The following FHIT variants were observed in gnomAD, a reference collection of about 807,000 sequenced individuals.
The protein encoded by FHIT is fragile histidine triad diadenosine triphosphatase.
A neutral mutation model predicts 17.9 loss-of-function variants in FHIT; 19 were observed. That is an observed-to-expected ratio of 1.06 (90% confidence interval 0.74 to 1.56). The LOEUF is 1.56. FHIT is among the 40% of genes most tolerant of loss of function. FHIT has a pLI of 0.00. For missense variants in FHIT, 248 were observed against 189.2 expected, an observed-to-expected ratio of 1.31 and a Z score of -1.82; for synonymous variants, 81 against 69.7, an observed-to-expected ratio of 1.16 and a Z score of -0.81.
chr3:60,287,684 A>G (rs1174483448), intron 5 of FHIT, among the ~76,000 whole-genome samples: 1 of 152,180 alleles, frequency 6.6e-6, no homozygotes, highest in Non-Finnish European at 1.5e-5. Flanking sequence ...ATCAAGTATT[A>G]TGTGCATATA....
chr3:60,503,719 G>C (rs576454598), intron 5 of FHIT, among the ~76,000 whole-genome samples: 3 of 152,050 alleles, frequency 2.0e-5, no homozygotes, highest in Non-Finnish European at 4.4e-5. Context: ...AAAAACTTAC[G>C]GTATTAGGAT....
Position 60,976,096 on chromosome 3 carries a change from C to CTTTTTTTTTTTTT in FHIT, c.-111+65938_-111+65950dup, listed in dbSNP as rs869239307. ...CTTTGTATCTTTCGTTTTTCTTTTT[C>CTTTTTTTTTTTTT]TTTTTTTTTTTTTTTTTTTTTTTTT... On this transcript the variant is annotated intron_variant, in intron 3 of 9. Transcript: ENST00000492590. 9.2e-3 allele frequency among the ~76,000 whole-genome samples: 614 copies of CTTTTTTTTTTTTT among 66,808 alleles called. 56 individuals carry two copies. The highest frequency in any genetic ancestry group is 0.013 in the East Asian group (31 of 2,328). The allele number at this position is 66,808 out of a possible 152,430, so 43.8% of individuals were successfully genotyped here.
chr3:60,166,247 A>G (rs960869149), intron 5 of FHIT, among the ~76,000 whole-genome samples: 5 of 152,128 alleles, frequency 3.3e-5, no homozygotes, highest in Admixed American at 3.3e-4. Context: ...CAGGGGTGTT[A>G]GGAACAGGAA....
rs529740464 is a variant in FHIT, at chr3:59,932,900, T to C, written c.280-10486A>G. Among the ~76,000 whole-genome samples the C allele has an allele frequency of 4.8e-3, 734 of 152,238 alleles. 3 individuals are homozygous for C. Among genetic ancestry groups the C allele is most frequent in the Non-Finnish European group, 7.5e-3 (511 of 68,018 alleles). The stretch of plus-strand genomic sequence containing the variant: ...TTCCCTCCCATTCTCCTATCTCTAA[T>C]TTTTTGCTCCTTGGGCTTCCTCCAG... On this transcript the variant is annotated intron_variant, in intron 7 of 9. Coordinates refer to ENST00000492590, the MANE Select transcript of FHIT (RefSeq NM_002012.4).
intron 5 of FHIT, among the ~76,000 whole-genome samples, chr3:60,135,366 A>G (rs1187683821): frequency 6.6e-6 from 1 of 152,110 alleles, no homozygotes; most frequent in African/African-American, 2.4e-5. Flanking sequence ...TTTCAAGCAG[A>G]AAAACTGTGC....
intron 5 of FHIT, among the ~76,000 whole-genome samples, chr3:60,229,066 G>A (rs9875546): frequency 0.034 from 5,108 of 152,178 alleles, 274 homozygotes; most frequent in African/African-American, 0.11. Flanking sequence ...GCATATGTAC[G>A]AACTGCTTAC....
At chr3:60,112,895 T>A (rs1257525064) in intron 5 of FHIT, among the ~76,000 whole-genome samples, 1 of 152,200 alleles carries the variant, frequency 6.6e-6, no homozygotes, top group Non-Finnish European at 1.5e-5. Flanking sequence ...TTACTCCTTA[T>A]GGAACCACTT....
Position 60,012,962 on chromosome 3 carries a change from A to T in FHIT, c.249+1045T>A, listed in dbSNP as rs934881557. ...AGTCTCTCCAGAAACACGGTTTGCAACATAAGCTTGATAAACCCACTCTGA... is the reference window on the plus strand; with the variant it reads ...AGTCTCTCCAGAAACACGGTTTGCATCATAAGCTTGATAAACCCACTCTGA... On this transcript the variant is annotated intron_variant, in intron 6 of 9. Coordinates refer to ENST00000492590, the MANE Select transcript of FHIT (RefSeq NM_002012.4). Among the ~76,000 whole-genome samples, 9 of 152,198 alleles carry T rather than the reference A, an allele frequency of 5.9e-5. 1 individual carries two copies. Among genetic ancestry groups the T allele is most frequent in the Non-Finnish European group, 1.5e-5 (1 of 68,030 alleles).
At chr3:60,396,009 C>T (rs1234929428) in intron 5 of FHIT, among the ~76,000 whole-genome samples, 2 of 152,066 alleles carry the variant, frequency 1.3e-5, no homozygotes, top group Non-Finnish European at 2.9e-5. Flanking sequence ...TCACAGATCA[C>T]CACACCAACA....
At chr3:61,029,451 T>A (rs562560061) in intron 3 of FHIT, among the ~76,000 whole-genome samples, 1 of 152,288 alleles carries the variant, frequency 6.6e-6, no homozygotes, top group African/African-American at 2.4e-5. Context: ...ACTGTGGGAA[T>A]CTGATTTAGC....
At chr3:60,455,741 A>T (rs2032048654) in intron 5 of FHIT, among the ~76,000 whole-genome samples, 1 of 152,086 alleles carries the variant, frequency 6.6e-6, no homozygotes, top group South Asian at 2.1e-4. Flanking sequence ...CCTGAGAATG[A>T]CTTCCCTGCT....
chr3:60,383,854 A>C (rs1700903100), intron 5 of FHIT, among the ~76,000 whole-genome samples: 1 of 152,166 alleles, frequency 6.6e-6, no homozygotes, highest in African/African-American at 2.4e-5. Context: ...ACCTTTAAAT[A>C]CTGTTGGGTC....
At chr3:60,492,332 T>G (rs1437960990) in intron 5 of FHIT, among the ~76,000 whole-genome samples, 1 of 152,210 alleles carries the variant, frequency 6.6e-6, no homozygotes, top group Non-Finnish European at 1.5e-5. Flanking sequence ...TTTCTCACAT[T>G]TGAGCATTAG....
chr3:60,933,109 C>T (rs1708043714), intron 3 of FHIT, among the ~76,000 whole-genome samples: 1 of 151,954 alleles, frequency 6.6e-6, no homozygotes, highest in African/African-American at 2.4e-5. Flanking sequence ...AAAATAATAC[C>T]ATAACTTATA....
intron 5 of FHIT, among the ~76,000 whole-genome samples, chr3:60,486,663 A>G (rs1043668858): frequency 6.6e-6 from 1 of 152,320 alleles, no homozygotes; most frequent in South Asian, 2.1e-4. Context: ...GTAAATCTTA[A>G]TAACTTCAAA....
intron 8 of FHIT, among the ~76,000 whole-genome samples, chr3:59,901,364 T>A (rs1432981342): frequency 6.6e-6 from 1 of 152,186 alleles, no homozygotes. Flanking sequence ...AGTATGCCAA[T>A]CTCGGGAGAG....
At chr3:60,094,382 T>C (rs1004705787) in intron 5 of FHIT, among the ~76,000 whole-genome samples, 1 of 152,102 alleles carries the variant, frequency 6.6e-6, no homozygotes. Context: ...GAACAGCTTA[T>C]GAAACTCACA....
At chr3:60,785,616 CAG>C (rs1235765591) in intron 4 of FHIT, among the ~76,000 whole-genome samples, 12 of 152,228 alleles carry the variant, frequency 7.9e-5, no homozygotes, top group African/African-American at 2.6e-4. Flanking sequence ...TCCCCAGGCA[CAG>C]GGGGCAAAAT....
chr3:60,860,517 T>C (rs1311507626), intron 3 of FHIT, among the ~76,000 whole-genome samples: 1 of 116,086 alleles, frequency 8.6e-6, no homozygotes, highest in Non-Finnish European at 1.7e-5. Flanking sequence ...ATATGATACA[T>C]ATGTATCATA....
Sources: gnomAD v4.1 joint callset for allele counts (sites outside exome capture counted in the v4.1 genomes callset) on GRCh38, gnomAD v4.1.1 for gene constraint, MANE v1.5 for transcripts, NCBI Gene and HGNC (gene_info 2026-07-23, HGNC 2026-07-21) for gene names.